Variants in PHF14 observed in about 807,000 individuals in gnomAD.
PHF14 encodes the protein PHD finger protein 14.
A neutral mutation model predicts 117.9 loss-of-function variants in PHF14; 55 were observed. That is an observed-to-expected ratio of 0.47 (90% CI 0.38 to 0.58). The LOEUF is 0.58. Ranked by LOEUF, PHF14 falls within the 20% of genes least tolerant of loss-of-function variation. PHF14 has a pLI of 0.00. For missense variants in PHF14, 978 were observed against 1,122.2 expected (o/e 0.87, Z 1.84); for synonymous variants, 409 against 368.6 (o/e 1.11, Z -1.26).
At chr7:11,057,204 T>C (rs1191447104) in intron 14 of PHF14, among the ~76,000 whole-genome samples, 4 of 152,174 alleles carry the variant, frequency 2.6e-5, no homozygotes, top group African/African-American at 9.7e-5. Flanking sequence ...TAGTTTTAAA[T>C]TTAGTTCATT....
chr7:11,124,752 G>A (rs142556172), intron 17 of PHF14, among the ~76,000 whole-genome samples: 10 of 152,128 alleles, frequency 6.6e-5, no homozygotes, highest in African/African-American at 2.2e-4. Flanking sequence ...ATTAAAATAG[G>A]TATTTTCTAT....
chr7:11,113,900 A>T (rs1338700737), intron 17 of PHF14, among the ~76,000 whole-genome samples: 4 of 152,280 alleles, frequency 2.6e-5, no homozygotes, highest in East Asian at 3.9e-4. Flanking sequence ...CATCCAAGTC[A>T]AGAAAATTAG....
chr7:11,037,997 G>T (rs115257228), intron 10 of PHF14, among the ~76,000 whole-genome samples: 1,981 of 152,142 alleles, frequency 0.013, 42 homozygotes, highest in African/African-American at 0.045. Context: ...GTAAAAGAAG[G>T]TATAAACGTA....
chr7:11,043,003 A>T (rs1049023748), intron 13 of PHF14, among the ~76,000 whole-genome samples, 189 bp downstream of exon 13: 3 of 151,994 alleles, frequency 2.0e-5, no homozygotes, highest in African/African-American at 7.2e-5. Context: ...GTTTTTCATT[A>T]ATTGTGGCTA....
intron 2 of PHF14, among the ~76,000 whole-genome samples, chr7:10,976,899 G>C (rs1312303770): frequency 6.7e-6 from 1 of 149,974 alleles, no homozygotes; most frequent in Non-Finnish European, 1.5e-5. Flanking sequence ...TTTGTGATCT[G>C]TGGTCTCAGG....
At chr7:11,051,566 G>T (rs938890492) in intron 13 of PHF14, 46 bp from the exon 14 acceptor site, 22 of 1,496,200 alleles carry the variant, frequency 1.5e-5, no homozygotes, top group African/African-American at 2.8e-5. Context: ...GCTAAAGCCA[G>T]AAGATAATAA....
chr7:11,105,401 T>C, intron 16 of PHF14: 1 of 960,132 alleles, frequency 1.0e-6, no homozygotes, highest in Non-Finnish European at 1.2e-6. Context: ...AAGTTACTTA[T>C]TTCATAAAAC....
At chr7:11,121,606 T>C (rs1280980516) in intron 17 of PHF14, among the ~76,000 whole-genome samples, 5 of 152,094 alleles carry the variant, frequency 3.3e-5, no homozygotes, top group Non-Finnish European at 7.4e-5. Context: ...ATCACTACTC[T>C]TGCACTTCGG....
At chr7:11,066,570 A>G (rs1446087833) in intron 16 of PHF14, among the ~76,000 whole-genome samples, 1 of 152,186 alleles carries the variant, frequency 6.6e-6, no homozygotes, top group Admixed American at 6.5e-5. Context: ...TATATTTTAT[A>G]TGAGCTATCT....
At chr7:11,049,607 GTAATA>G (rs1296240651) in intron 13 of PHF14, among the ~76,000 whole-genome samples, 3 of 151,916 alleles carry the variant, frequency 2.0e-5, no homozygotes, top group African/African-American at 7.3e-5. Context: ...GTGCCTTTTT[GTAATA>G]TAATATGATA....
intron 4 of PHF14, chr7:11,006,860 G>A (rs1437396733): frequency 1.4e-5 from 9 of 625,788 alleles, no homozygotes; most frequent in South Asian, 7.1e-5. Flanking sequence ...CTTCACTTTC[G>A]GCACTGTCTT....
At chr7:11,027,290 A>G (rs554266554) in intron 6 of PHF14, among the ~76,000 whole-genome samples, 1 of 152,112 alleles carries the variant, frequency 6.6e-6, no homozygotes, top group African/African-American at 2.4e-5. Context: ...TTTATGTTCT[A>G]CTGTTATTAG....
intron 3 of PHF14, among the ~76,000 whole-genome samples, chr7:10,985,973 T>C (rs1247729210): frequency 2.0e-5 from 3 of 151,784 alleles, no homozygotes. Context: ...ATTTTTTAAA[T>C]GTTTATTTTT....
chr7:11,084,953 T>C (rs1397438534), intron 16 of PHF14, among the ~76,000 whole-genome samples: 1 of 152,178 alleles, frequency 6.6e-6, no homozygotes, highest in Admixed American at 6.5e-5. Context: ...TTATTACATA[T>C]CTTTGTATAA....
At chr7:11,080,900 T>C (rs1006187304) in intron 16 of PHF14, among the ~76,000 whole-genome samples, 9 of 152,156 alleles carry the variant, frequency 5.9e-5, no homozygotes, top group African/African-American at 2.2e-4. Flanking sequence ...ACAACAGTAA[T>C]GAAGATAATG....
chr7:11,071,519 G>A (rs1785611353), intron 16 of PHF14, among the ~76,000 whole-genome samples: 1 of 152,112 alleles, frequency 6.6e-6, no homozygotes, highest in African/African-American at 2.4e-5. Flanking sequence ...AACAACTCTA[G>A]TGGTATCTAA....
intron 17 of PHF14, among the ~76,000 whole-genome samples, chr7:11,166,074 C>T (rs1416852237): frequency 6.6e-6 from 1 of 152,178 alleles, no homozygotes; most frequent in African/African-American, 2.4e-5. Context: ...CTTGAAATTT[C>T]ACATATAACT....
At position 11,080,369 on chromosome 7, in the gene PHF14, T is replaced by G. The variant is rs78214261; in HGVS notation, c.2654+18284T>G. ...GTGATTGACTAAACACTACTTGGTG[T>G]TTTTTTCCCCCCTCAGAATTATAGA... On this transcript the variant is annotated intron_variant, in intron 16 of 17. Coordinates refer to ENST00000634607, the MANE Select transcript of PHF14 (RefSeq NM_001007157.2). Among the ~76,000 whole-genome samples, 217 of 152,202 alleles carry G rather than the reference T, an allele frequency of 1.4e-3. 2 individuals are homozygous for G. The East Asian group carries it at 0.027, about 19-fold the overall frequency.
chr7:11,001,842 T>C (rs1313332056), intron 4 of PHF14, among the ~76,000 whole-genome samples: 1 of 152,160 alleles, frequency 6.6e-6, no homozygotes, highest in Non-Finnish European at 1.5e-5. Flanking sequence ...TTCTTTCCAG[T>C]GTGTATATTT....
Sources: allele counts gnomAD v4.1 joint callset (sites outside exome capture counted in the v4.1 genomes callset), GRCh38; gene constraint gnomAD v4.1.1; transcripts MANE v1.5; gene names NCBI Gene and HGNC (gene_info 2026-07-23, HGNC 2026-07-21).